ADH1B: variants seen among roughly 807,000 people sequenced by gnomAD.
ADH1B encodes alcohol dehydrogenase 1B (class I), beta polypeptide.
ADH1B carries 29 observed loss-of-function variants against 34.6 expected under a neutral mutation model. The observed-to-expected ratio is 0.84, with a 90% CI of 0.62 to 1.14. The LOEUF is 1.14. Among genes scored for constraint, ADH1B ranks in the 50% most tolerant of loss-of-function variants. The probability of loss-of-function intolerance (pLI) is 0.00; values close to 1 mark genes in which losing one functional copy is unlikely to be tolerated. For missense variants in ADH1B, 424 were observed against 468.4 expected, an observed-to-expected ratio of 0.91 and a Z score of 0.87; for synonymous variants, 170 against 175.5, an observed-to-expected ratio of 0.97 and a Z score of 0.25.
At chr4:99,319,197 T>C (rs1733961073) in intron 1 of ADH1B, 1 of 422,030 alleles carries the variant, frequency 2.4e-6, no homozygotes. Flanking sequence ...GTCCTGAAAA[T>C]GCTCGTCTAC....
rs898739883 is a variant in ADH1B, at chr4:99,306,562, A to G, written c.*1278T>C. ...TTTCATAATATGAAATAGAATGTAG[A>G]TATTGCAACAATAGCATTTTTGGAG... On this transcript the variant is annotated 3_prime_UTR_variant, in exon 9 of 9. Transcript: ENST00000305046. 2 of 152,234 alleles carry G rather than the reference A, an allele frequency of 1.3e-5. No homozygotes were observed. Among genetic ancestry groups the G allele is most frequent in the Non-Finnish European group, 2.9e-5 (2 of 68,038 alleles). The allele number at this position is 152,234 out of a possible 1,614,324, so 9.4% of individuals were successfully genotyped here.
At chr4:99,314,841 A>G (rs1363296308) in intron 5 of ADH1B, 1 of 152,238 alleles carries the variant, frequency 6.6e-6, no homozygotes, top group African/African-American at 2.4e-5. Flanking sequence ...AATTTGGAAA[A>G]GATGCCTTCT....
At chr4:99,315,796 T>C in intron 5 of ADH1B, 102 bp downstream of exon 5, 3 of 1,478,398 alleles carry the variant, frequency 2.0e-6, no homozygotes, top group Non-Finnish European at 2.8e-6. Flanking sequence ...ATCGACACTT[T>C]AAATCTACAA....
Position 99,308,117 on chromosome 4 carries a change from A to G in ADH1B, c.1104-253T>C, listed in dbSNP as rs28914787. On this transcript the variant is annotated intron_variant, in intron 8 of 8. Transcript: ENST00000305046. ...ATGCCTGTCATTTCAATTCTACATT[A>G]ATTCTACATTAGCATCTTCAAAAAA... is the stretch of plus-strand genomic sequence containing the variant. 6.4e-3 allele frequency among the ~76,000 whole-genome samples: 978 copies of G among 152,198 alleles called. 12 individuals carry two copies. Among genetic ancestry groups the G allele is most frequent in the African/African-American group, 0.022 (921 of 41,514 alleles).
At position 99,306,882 on chromosome 4, in the gene ADH1B, A is replaced by C. The variant is rs2110626745; in HGVS notation, c.*958T>G. On this transcript the variant is annotated 3_prime_UTR_variant, in exon 9 of 9. Coordinates refer to ENST00000305046, the MANE Select transcript of ADH1B (RefSeq NM_000668.6). Reference sequence around the variant, plus strand: ...ATGTGTATATATATATCTACTAGGAAAATATATTGCTTAAGGTGTTTGTGC... The same window carrying C: ...ATGTGTATATATATATCTACTAGGACAATATATTGCTTAAGGTGTTTGTGC... The C allele has an allele frequency of 6.6e-6, 1 of 152,338 alleles. No homozygotes were observed. Among genetic ancestry groups the C allele is most frequent in the Admixed American group, 6.5e-5 (1 of 15,304 alleles). 9.4% of individuals were successfully genotyped at this position (152,338 alleles called of 1,614,324 possible). A position where few individuals can be genotyped will look rare whatever the true frequency, so the allele number is the denominator to read the frequency against.
At chr4:99,313,151 G>T (rs199900758) in intron 6 of ADH1B, among the ~76,000 whole-genome samples, 1 of 151,452 alleles carries the variant, frequency 6.6e-6, no homozygotes, top group Non-Finnish European at 1.5e-5. Context: ...CTCAGCCTCC[G>T]GAGTAGCTGG....
intron 8 of ADH1B, among the ~76,000 whole-genome samples, chr4:99,308,933 A>G (rs994908579): frequency 3.9e-5 from 6 of 151,982 alleles, no homozygotes; most frequent in African/African-American, 1.4e-4. Context: ...TAACCTGCAC[A>G]TTGTGCACAT....
In ADH1B at chr4:99,307,929, C is replaced by A. The variant is rs1733652829; in HGVS notation, c.1104-65G>T. ...CAACCCACATGCTTGTTGTGAGAGT[C>A]CAAGGAGCATCTGAGGTGTCTTAGT... On this transcript the variant is annotated intron_variant, in intron 8 of 8. Coordinates refer to ENST00000305046, the MANE Select transcript of ADH1B (RefSeq NM_000668.6). 3.7e-6 allele frequency: 6 copies of A among 1,602,170 alleles called. No homozygotes were observed. In the East Asian group the frequency reaches 1.1e-4, roughly 30 times the overall value.
rs191816016 is a variant in ADH1B, at chr4:99,306,858, T to C, written c.*982A>G. The stretch of plus-strand genomic sequence containing the variant: ...ACATTTGTATATGTGTATATATGTA[T>C]GTGTATATATATATCTACTAGGAAA... On this transcript the variant is annotated 3_prime_UTR_variant, in exon 9 of 9. Coordinates refer to ENST00000305046, the MANE Select transcript of ADH1B (RefSeq NM_000668.6). 1 of 152,356 alleles carries C rather than the reference T, an allele frequency of 6.6e-6. No individual in the cohort carries two copies. Among genetic ancestry groups the C allele is most frequent in the Admixed American group, 6.5e-5 (1 of 15,304 alleles). The allele number at this position is 152,356 out of a possible 1,614,324, so 9.4% of individuals were successfully genotyped here. A position where few individuals can be genotyped will look rare whatever the true frequency, so the allele number is the denominator to read the frequency against.
At chr4:99,312,862 A>G (rs1431305149) in intron 6 of ADH1B, among the ~76,000 whole-genome samples, 1 of 143,004 alleles carries the variant, frequency 7.0e-6, no homozygotes, top group African/African-American at 2.6e-5. Flanking sequence ...CAAAAAAAAG[A>G]AAAAAAAGTC....
chr4:99,317,459 A>G (rs1003276273), intron 3 of ADH1B: 1 of 152,192 alleles, frequency 6.6e-6, no homozygotes, highest in Admixed American at 6.5e-5. Context: ...TGATGGTGGG[A>G]TGGTTCCTTC....
intron 1 of ADH1B, chr4:99,320,207 C>T (rs999983230): frequency 4.6e-5 from 7 of 152,130 alleles, no homozygotes; most frequent in Non-Finnish European, 8.8e-5. Context: ...TCCTACTGCC[C>T]TTTTCCCTCA....
In ADH1B at chr4:99,314,098, T is replaced by C. The variant is rs79236485; in HGVS notation, c.568-17A>G. On this transcript the variant is annotated splice_polypyrimidine_tract_variant and intron_variant, in intron 5 of 8. Coordinates refer to ENST00000305046, the MANE Select transcript of ADH1B (RefSeq NM_000668.6). Reference sequence around the variant, plus strand: ...TGGGGTGACCTGTGTTTTCAGAAAATGCAAAAATAGATTAAGTGATGATTG... The same window carrying C: ...TGGGGTGACCTGTGTTTTCAGAAAACGCAAAAATAGATTAAGTGATGATTG... 1 of 1,610,044 alleles carries C rather than the reference T, an allele frequency of 6.2e-7. No homozygotes were observed. The highest frequency in any genetic ancestry group is 8.5e-7 in the Non-Finnish European group (1 of 1,178,048).
intron 6 of ADH1B, among the ~76,000 whole-genome samples, chr4:99,312,027 G>C (rs568272904): frequency 6.6e-6 from 1 of 152,216 alleles, no homozygotes; most frequent in African/African-American, 2.4e-5. Flanking sequence ...CTATTCTACT[G>C]TCCATTTCTC....
chr4:99,318,492 G>C (rs1733943772), intron 2 of ADH1B: 1 of 509,892 alleles, frequency 2.0e-6, no homozygotes, highest in Admixed American at 3.9e-5. Context: ...GTAACACATG[G>C]AAAATATCTA....
At chr4:99,311,992 G>C (rs1733765764) in intron 6 of ADH1B, among the ~76,000 whole-genome samples, 1 of 152,196 alleles carries the variant, frequency 6.6e-6, no homozygotes, top group South Asian at 2.1e-4. Context: ...CTGTCCACTT[G>C]ACGGTCTCCC....
intron 3 of ADH1B, chr4:99,316,660 A>T (rs928243681): frequency 6.1e-6 from 1 of 165,160 alleles, no homozygotes; most frequent in Admixed American, 6.0e-5. Flanking sequence ...TATTCTTACT[A>T]TAAGTATAAA....
chr4:99,321,401 TA>T (rs891276464), upstream of ADH1B: 156 of 1,444,866 alleles, frequency 1.1e-4, no homozygotes, highest in Non-Finnish European at 1.5e-4. Flanking sequence ...CTTGAGTGCA[TA>T]AAGCAGATAT....
intron 3 of ADH1B, chr4:99,317,009 G>A (rs920577045): frequency 2.6e-5 from 4 of 152,060 alleles, no homozygotes; most frequent in Non-Finnish European, 4.4e-5. Context: ...TTCCTGTTAT[G>A]GTGGAGGGAG....
Sources: allele counts gnomAD v4.1 joint callset (sites outside exome capture counted in the v4.1 genomes callset), GRCh38; gene constraint gnomAD v4.1.1; transcripts MANE v1.5; gene names NCBI Gene and HGNC (gene_info 2026-07-23, HGNC 2026-07-21).